The following IMMP2L variants were observed in gnomAD, a reference collection of about 807,000 sequenced individuals.
IMMP2L encodes the protein inner mitochondrial membrane peptidase subunit 2, also known as mitochondrial inner membrane protease subunit 2.
A neutral mutation model predicts 19.3 loss-of-function variants in IMMP2L; 18 were observed. The observed-to-expected ratio is 0.93, with a 90% CI of 0.64 to 1.38. IMMP2L has a LOEUF of 1.38. Among genes scored for constraint, IMMP2L ranks in the 40% most tolerant of loss-of-function variants. IMMP2L has a pLI of 0.00. For missense variants in IMMP2L, 233 were observed against 218.2 expected, an observed-to-expected ratio of 1.07 and a Z score of -0.43; for synonymous variants, 76 against 73.0, an observed-to-expected ratio of 1.04 and a Z score of -0.21.
In IMMP2L at chr7:111,096,694, G is replaced by A. The variant is rs1226370266; in HGVS notation, c.240-133129C>T. ...AGTAAATTATTTAGGGATTTTCCAG[G>A]TTACTAAAAATTATGAACAAAGTCT... On this transcript the variant is annotated intron_variant, in intron 3 of 5. Coordinates refer to ENST00000405709, the MANE Select transcript of IMMP2L (RefSeq NM_032549.4). Among the ~76,000 whole-genome samples, 6 of 151,678 alleles carry A rather than the reference G, an allele frequency of 4.0e-5. No homozygotes were observed. In the Admixed American group the frequency reaches 4.0e-4, roughly 10 times the overall value.
intron 3 of IMMP2L, among the ~76,000 whole-genome samples, chr7:111,388,986 G>T (rs1832071073): frequency 6.6e-6 from 1 of 152,080 alleles, no homozygotes; most frequent in Non-Finnish European, 1.5e-5. Flanking sequence ...AGACACCTCA[G>T]TAGTAAAGAG....
At chr7:110,977,739 C>A (rs1441373348) in intron 3 of IMMP2L, among the ~76,000 whole-genome samples, 1 of 151,130 alleles carries the variant, frequency 6.6e-6, no homozygotes, top group Non-Finnish European at 1.5e-5. Context: ...TCTTTCCTTT[C>A]TTTTTCCTGC....
intron 5 of IMMP2L, among the ~76,000 whole-genome samples, chr7:110,850,191 T>A (rs1344890252): frequency 1.3e-5 from 2 of 151,954 alleles, no homozygotes; most frequent in Non-Finnish European, 2.9e-5. Flanking sequence ...GTAGGACTTG[T>A]TTTCTGCTAT....
chr7:111,505,038 C>T (rs1279929922), intron 2 of IMMP2L, among the ~76,000 whole-genome samples: 1 of 151,984 alleles, frequency 6.6e-6, no homozygotes, highest in Non-Finnish European at 1.5e-5. Context: ...AACAGGCAAC[C>T]TACAAAATGG....
intron 3 of IMMP2L, among the ~76,000 whole-genome samples, chr7:111,148,383 C>A (rs1803710818): frequency 6.6e-6 from 1 of 151,902 alleles, no homozygotes; most frequent in Non-Finnish European, 1.5e-5. Context: ...GGAATGATTG[C>A]TAGAGTGTGT....
intron 3 of IMMP2L, among the ~76,000 whole-genome samples, chr7:111,378,091 T>C (rs1482496617): frequency 6.6e-6 from 1 of 151,700 alleles, no homozygotes; most frequent in Admixed American, 6.6e-5. Context: ...TTAGATAATA[T>C]AAAAAAAACT....
intron 3 of IMMP2L, among the ~76,000 whole-genome samples, chr7:111,033,447 T>A (rs12668258): frequency 0.1 from 15,880 of 152,208 alleles, 864 homozygotes; most frequent in Middle Eastern, 0.2. Context: ...TCTCATCATA[T>A]GATCCATCAA....
At chr7:111,402,991 A>ACCCCCCCCCCC (rs781654530) in intron 3 of IMMP2L, among the ~76,000 whole-genome samples, 3 of 45,504 alleles carry the variant, frequency 6.6e-5, no homozygotes, top group Non-Finnish European at 1.2e-4. Flanking sequence ...TGCAGCCTTG[A>ACCCCCCCCCCC]CCCCCCCCCC....
At chr7:111,176,182 TA>T (rs1337223199) in intron 3 of IMMP2L, among the ~76,000 whole-genome samples, 1 of 151,992 alleles carries the variant, frequency 6.6e-6, no homozygotes, top group Non-Finnish European at 1.5e-5. Context: ...TGTAAATTAG[TA>T]ATGCCACTAT....
intron 3 of IMMP2L, among the ~76,000 whole-genome samples, chr7:111,206,478 T>C (rs1048128920): frequency 2.0e-5 from 3 of 152,210 alleles, no homozygotes; most frequent in Admixed American, 2.0e-4. Flanking sequence ...AGTAAGTGAC[T>C]GTGCTCTTCA....
intron 5 of IMMP2L, among the ~76,000 whole-genome samples, chr7:110,746,955 G>A (rs968645857): frequency 3.3e-5 from 5 of 152,112 alleles, no homozygotes; most frequent in Admixed American, 3.3e-4. Context: ...AAAAATCAGT[G>A]AATCCAGGAG....
chr7:110,734,474 T>A (rs2130833739), intron 5 of IMMP2L, among the ~76,000 whole-genome samples: 1 of 152,312 alleles, frequency 6.6e-6, no homozygotes, highest in Middle Eastern at 3.4e-3. Context: ...GCATGGCTTC[T>A]TTTGACTGCT....
chr7:111,345,922 C>T (rs909622261), intron 3 of IMMP2L, among the ~76,000 whole-genome samples: 13 of 152,184 alleles, frequency 8.5e-5, no homozygotes, highest in African/African-American at 2.4e-4. Context: ...TCATCTTCCA[C>T]ATCTCCACAA....
At chr7:110,845,045 G>A (rs893663895) in intron 5 of IMMP2L, among the ~76,000 whole-genome samples, 1 of 152,108 alleles carries the variant, frequency 6.6e-6, no homozygotes, top group Non-Finnish European at 1.5e-5. Context: ...AAAGTAGCAT[G>A]TGTCATAACT....
At chr7:110,949,758 C>T (rs1453373104) in intron 4 of IMMP2L, among the ~76,000 whole-genome samples, 1 of 151,952 alleles carries the variant, frequency 6.6e-6, no homozygotes, top group East Asian at 1.9e-4. Flanking sequence ...ATTAAAAAAA[C>T]AGTAAGTGCA....
At chr7:111,186,583 C>A (rs745376013) in intron 3 of IMMP2L, among the ~76,000 whole-genome samples, 14 of 152,042 alleles carry the variant, frequency 9.2e-5, no homozygotes, top group Non-Finnish European at 1.8e-4. Flanking sequence ...CACGTGCCAC[C>A]AAGCCTGGCT....
chr7:111,041,736 T>A (rs1791917897), intron 3 of IMMP2L, among the ~76,000 whole-genome samples: 1 of 152,170 alleles, frequency 6.6e-6, no homozygotes. Flanking sequence ...TGATTTGTTT[T>A]CAGCCCAGGG....
chr7:110,777,787 A>G (rs1441082867), intron 5 of IMMP2L, among the ~76,000 whole-genome samples: 1 of 151,972 alleles, frequency 6.6e-6, no homozygotes, highest in Admixed American at 6.6e-5. Context: ...CGCCAAATAA[A>G]CTGTTAAAAA....
chr7:110,796,696 C>A (rs895971059), intron 5 of IMMP2L, among the ~76,000 whole-genome samples: 14 of 151,996 alleles, frequency 9.2e-5, no homozygotes, highest in Non-Finnish European at 1.8e-4. Context: ...TCAGATTTCA[C>A]ATACCAACAA....
Sources: gnomAD v4.1 joint callset for allele counts (sites outside exome capture counted in the v4.1 genomes callset) on GRCh38, gnomAD v4.1.1 for gene constraint, MANE v1.5 for transcripts, NCBI Gene and HGNC (gene_info 2026-07-23, HGNC 2026-07-21) for gene names.